CMIP: variants seen among roughly 807,000 people sequenced by gnomAD.
CMIP encodes the protein c-Maf inducing protein, also known as C-Maf-inducing protein.
CMIP carries 13 observed loss-of-function variants against 97.3 expected under a neutral mutation model. The observed-to-expected ratio is 0.13, with a 90% CI of 0.09 to 0.21. The LOEUF (loss-of-function observed/expected upper bound fraction) is 0.21, where lower values mean the gene tolerates loss of function less well. Among genes scored for constraint, CMIP ranks in the 10% least tolerant of loss-of-function variants. The pLI is 1.00. For missense variants in CMIP, 847 were observed against 1,024.9 expected (o/e 0.83, Z 2.37); for synonymous variants, 538 against 436.3 (o/e 1.23, Z -2.91).
intron 5 of CMIP, 67 bp from the exon 6 acceptor site, chr16:81,660,817 A>T: frequency 6.5e-7 from 1 of 1,548,726 alleles, no homozygotes; most frequent in East Asian, 2.2e-5. Flanking sequence ...TATGGCCTGG[A>T]GATTGTTCGA....
At chr16:81,549,349 C>T (rs781218611) in intron 1 of CMIP, among the ~76,000 whole-genome samples, 25 of 152,186 alleles carry the variant, frequency 1.6e-4, no homozygotes, top group African/African-American at 5.1e-4. Flanking sequence ...AATGGGGGGC[C>T]GTTGGTTTCA....
chr16:81,654,079 A>G (rs2092457636), intron 4 of CMIP, among the ~76,000 whole-genome samples: 1 of 152,208 alleles, frequency 6.6e-6, no homozygotes, highest in South Asian at 2.1e-4. Context: ...CAGCGCCACC[A>G]GGCTCAACCA....
intron 1 of CMIP, 30 bp from the exon 2 acceptor site, chr16:81,607,537 A>G (rs373445312): frequency 1.1e-5 from 18 of 1,611,530 alleles, no homozygotes; most frequent in Admixed American, 3.3e-5. Flanking sequence ...TAACCAATGC[A>G]TATCTCTTCT....
chr16:81,645,116 C>T (rs917824551), intron 3 of CMIP, among the ~76,000 whole-genome samples: 32 of 152,256 alleles, frequency 2.1e-4, no homozygotes, highest in African/African-American at 6.3e-4. Flanking sequence ...GATCAAGATG[C>T]TGGATTTGTA....
At chr16:81,605,844 C>T (rs372870235) in intron 1 of CMIP, among the ~76,000 whole-genome samples, 2 of 152,236 alleles carry the variant, frequency 1.3e-5, no homozygotes, top group Non-Finnish European at 1.5e-5. Flanking sequence ...GAATCTCCAG[C>T]ACCTAGCATG....
chr16:81,532,188 T>C (rs1446614433), intron 1 of CMIP, among the ~76,000 whole-genome samples: 1 of 152,198 alleles, frequency 6.6e-6, no homozygotes, highest in Non-Finnish European at 1.5e-5. Flanking sequence ...GTCCCAGGGC[T>C]CAGGAGTCCA....
intron 1 of CMIP, among the ~76,000 whole-genome samples, chr16:81,592,766 C>T (rs1015936668): frequency 4.6e-5 from 7 of 152,196 alleles, no homozygotes; most frequent in African/African-American, 1.7e-4. Context: ...TGCCCCTTTC[C>T]CAGGATCCTT....
chr16:81,614,242 C>A lies in CMIP; in HGVS notation c.426+6550C>A, dbSNP rs1009929676. ...CATGGAAGCCAGTCTGAGAGCAGGG[C>A]AGGCCAGGTGCTGCCACAGTCACCA... On this transcript the variant is annotated intron_variant, in intron 2 of 20. Coordinates refer to ENST00000537098, the MANE Select transcript of CMIP (RefSeq NM_198390.3). The surrounding 1 kb of genome is among the most constrained non-coding windows in gnomAD (Gnocchi z 5.3). Among the ~76,000 whole-genome samples the A allele has an allele frequency of 6.6e-6, 1 of 152,188 alleles. No individual in the cohort carries two copies. The highest frequency in any genetic ancestry group is 1.5e-5 in the Non-Finnish European group (1 of 68,038).
At chr16:81,573,830 G>A (rs924426534) in intron 1 of CMIP, among the ~76,000 whole-genome samples, 5 of 152,302 alleles carry the variant, frequency 3.3e-5, no homozygotes, top group Non-Finnish European at 5.9e-5. Flanking sequence ...TAACGCATGC[G>A]TGGCCCAGAG....
chr16:81,557,219 C>A lies in CMIP; in HGVS notation c.301-50348C>A, dbSNP rs374434226. Among the ~76,000 whole-genome samples, 19 of 152,320 alleles carry A rather than the reference C, an allele frequency of 1.2e-4. No individual in the cohort carries two copies. In the South Asian group the frequency reaches 1.5e-3, roughly 12 times the overall value. On this transcript the variant is annotated intron_variant, in intron 1 of 20. Transcript: ENST00000537098. ...TTAATTTAAAAATGAGAAGCCACCT[C>A]CCCCACGAGATCATGAAGCTCCATG...
intron 10 of CMIP, among the ~76,000 whole-genome samples, chr16:81,690,487 C>G (rs1168349363): frequency 6.6e-6 from 1 of 152,222 alleles, no homozygotes; most frequent in Non-Finnish European, 1.5e-5. Flanking sequence ...TGCCTCACAC[C>G]TGTAATCCTA....
At position 81,537,210 on chromosome 16, in the gene CMIP, G is replaced by A. The variant is rs113254097; in HGVS notation, c.301-70357G>A. ...TGAGCCTGCCTTGGCCTGGAGTGTC[G>A]GGGCATCCTGAGAAATAAAGTTGGA... On this transcript the variant is annotated intron_variant, in intron 1 of 20. Transcript: ENST00000537098. Among the ~76,000 whole-genome samples the A allele has an allele frequency of 9.8e-3, 1,484 of 152,196 alleles. 10 individuals are homozygous for A. The highest frequency in any genetic ancestry group is 0.031 in the Middle Eastern group (9 of 294).
At chr16:81,643,178 T>TG (rs2092326403) in intron 3 of CMIP, among the ~76,000 whole-genome samples, 1 of 152,160 alleles carries the variant, frequency 6.6e-6, no homozygotes, top group Non-Finnish European at 1.5e-5. Context: ...GGAGAGGAAG[T>TG]GAGGCATGTG....
chr16:81,649,354 C>A lies in CMIP; in HGVS notation c.478-2849C>A, dbSNP rs577617920. ...ATGAGCTGAGGCTGGGTGTACCGACCCCGAGGGCTCGTGTCTGAAACTGCG... is the reference window on the plus strand; with the variant it reads ...ATGAGCTGAGGCTGGGTGTACCGACACCGAGGGCTCGTGTCTGAAACTGCG... On this transcript the variant is annotated intron_variant, in intron 3 of 20. Coordinates refer to ENST00000537098, the MANE Select transcript of CMIP (RefSeq NM_198390.3). Among the ~76,000 whole-genome samples the A allele has an allele frequency of 1.4e-3, 211 of 152,358 alleles. 1 individual carries two copies. Among genetic ancestry groups the A allele is most frequent in the African/African-American group, 4.7e-3 (197 of 41,584 alleles).
At chr16:81,681,249 C>G (rs1252792929) in intron 10 of CMIP, among the ~76,000 whole-genome samples, 1 of 152,246 alleles carries the variant, frequency 6.6e-6, no homozygotes, top group Non-Finnish European at 1.5e-5. Context: ...AACAACTTTC[C>G]TCCCCACACC....
chr16:81,521,493 A>C (rs571340860), intron 1 of CMIP, among the ~76,000 whole-genome samples: 2 of 152,092 alleles, frequency 1.3e-5, no homozygotes, highest in East Asian at 3.9e-4. Flanking sequence ...TCTTGGAAGG[A>C]CTGGGTTGCA....
chr16:81,525,038 C>T (rs539897199), intron 1 of CMIP, among the ~76,000 whole-genome samples: 21 of 152,216 alleles, frequency 1.4e-4, no homozygotes, highest in Admixed American at 5.9e-4. Flanking sequence ...TCAAGTGATC[C>T]GCCCACCTCG....
chr16:81,645,597 A>C (rs2092355480), intron 3 of CMIP: 2 of 1,535,964 alleles, frequency 1.3e-6, no homozygotes, highest in Non-Finnish European at 1.7e-6. Flanking sequence ...AGTGTTGCCC[A>C]GGTAACGTCC....
intron 1 of CMIP, among the ~76,000 whole-genome samples, chr16:81,526,708 A>C (rs1450282898): frequency 6.6e-6 from 1 of 152,216 alleles, no homozygotes; most frequent in African/African-American, 2.4e-5. Context: ...GGTCCAAGGC[A>C]CAAAAAAGCT....
Sources: gnomAD v4.1 joint callset for allele counts (sites outside exome capture counted in the v4.1 genomes callset) on GRCh38, gnomAD v4.1.1 for gene constraint, Gnocchi (gnomAD v3.1) non-coding constraint, MANE v1.5 for transcripts, NCBI Gene and HGNC (gene_info 2026-07-23, HGNC 2026-07-21) for gene names.